Variants in PHC3 observed in about 807,000 individuals in gnomAD.
PHC3 encodes the protein polyhomeotic-like protein 3.
PHC3 carries 13 observed loss-of-function variants against 107.4 expected under a neutral mutation model. That is an observed-to-expected ratio of 0.12 (90% CI 0.08 to 0.19). The LOEUF (loss-of-function observed/expected upper bound fraction) is 0.19, where lower values mean the gene tolerates loss of function less well. Among genes scored for constraint, PHC3 ranks in the 10% least tolerant of loss-of-function variants. PHC3 has a pLI of 1.00. For synonymous variants in PHC3, 456 were observed against 427.4 expected (o/e 1.07, Z -0.83); for missense variants, 992 against 1,210.9 (o/e 0.82, Z 2.68).
At chr3:170,114,080 G>C (rs532617083) in intron 10 of PHC3, among the ~76,000 whole-genome samples, 6 of 152,028 alleles carry the variant, frequency 3.9e-5, no homozygotes, top group African/African-American at 1.4e-4. Flanking sequence ...TGCAATCTTG[G>C]CTCACCACAA....
chr3:170,175,264 A>C (rs1212615739), intron 2 of PHC3, among the ~76,000 whole-genome samples: 5 of 152,190 alleles, frequency 3.3e-5, no homozygotes, highest in Non-Finnish European at 5.9e-5. Context: ...TATTTATGAG[A>C]TATATCTACA....
chr3:170,152,965 CT>C (rs777054068), intron 4 of PHC3, among the ~76,000 whole-genome samples: 16 of 152,090 alleles, frequency 1.1e-4, no homozygotes, highest in Non-Finnish European at 2.1e-4. Context: ...CCAGACCACA[CT>C]TTTCTTCTTG....
At chr3:170,120,049 G>C (rs542428586) in intron 9 of PHC3, among the ~76,000 whole-genome samples, 2 of 152,130 alleles carry the variant, frequency 1.3e-5, no homozygotes, top group African/African-American at 2.4e-5. Flanking sequence ...CTTCCTTCAA[G>C]TACTATTAGT....
Position 170,113,469 on chromosome 3 carries a change from A to G in PHC3, c.2244T>C (p.Leu748=). The G allele has an allele frequency of 6.2e-7, 1 of 1,612,776 alleles. No homozygotes were observed. Among genetic ancestry groups the G allele is most frequent in the Non-Finnish European group, 8.5e-7 (1 of 1,179,308 alleles). Residue 748 remains leucine (L), a synonymous_variant, in exon 11 of 15, where the codon CTT becomes CTC. Transcript: ENST00000495893. ...LIEQPVKKRP[L]LDNQVINSVC... is the part of the protein sequence containing the mutation. ...CTGAATTTATCACCTGATTATCCAA[A>G]AGAGGCCGTTTTTTCACAGGCTGTT...
rs1031636777 is a variant in PHC3, at chr3:170,096,639, T to C, written c.*591A>G. On this transcript the variant is annotated 3_prime_UTR_variant, in exon 15 of 15. Transcript: ENST00000495893. ...AGTCAAACCAAATTCTTGGTCAAGT[T>C]TGGAATAGAAACTAACTCTTCTCAC... 2 of 152,166 alleles carry C rather than the reference T, an allele frequency of 1.3e-5. No individual in the cohort carries two copies. Among genetic ancestry groups the C allele is most frequent in the African/African-American group, 2.4e-5 (1 of 41,444 alleles). 9.4% of individuals were successfully genotyped at this position (152,166 alleles called of 1,614,324 possible).
At chr3:170,181,155 C>G (rs991977245) in intron 1 of PHC3, among the ~76,000 whole-genome samples, 3 of 152,198 alleles carry the variant, frequency 2.0e-5, no homozygotes, top group Non-Finnish European at 4.4e-5. Flanking sequence ...CTGCAAGCAG[C>G]CCCCGCCGCT....
At chr3:170,163,112 T>A (rs766852395) in intron 4 of PHC3, among the ~76,000 whole-genome samples, 12 of 152,206 alleles carry the variant, frequency 7.9e-5, no homozygotes, top group Non-Finnish European at 1.5e-4. Flanking sequence ...TGGTACTGTA[T>A]CCTCAGCACC....
rs955012951 is a variant in PHC3 at position 170,087,635 on chromosome 3, C to T, written c.*9595G>A. ...AAGAAATGAACTTACAACTGATCTA[C>T]AATATATTATTGTAATATAAACAAT... On this transcript the variant is annotated 3_prime_UTR_variant, in exon 15 of 15. Coordinates refer to ENST00000495893, the MANE Select transcript of PHC3 (RefSeq NM_024947.4). 2.0e-5 allele frequency: 3 copies of T among 152,042 alleles called. No homozygotes were observed. Among genetic ancestry groups the T allele is most frequent in the Non-Finnish European group, 2.9e-5 (2 of 67,994 alleles). 9.4% of individuals were successfully genotyped at this position (152,042 alleles called of 1,614,324 possible).
intron 12 of PHC3, among the ~76,000 whole-genome samples, chr3:170,103,208 G>GT (rs1300856958): frequency 2.0e-5 from 3 of 152,202 alleles, no homozygotes; most frequent in African/African-American, 2.4e-5. Flanking sequence ...GCATGACAGT[G>GT]GGAAACTGCC....
intron 14 of PHC3, among the ~76,000 whole-genome samples, chr3:170,100,512 G>A (rs929705572): frequency 4.6e-5 from 7 of 152,132 alleles, no homozygotes; most frequent in African/African-American, 1.7e-4. Flanking sequence ...AAGTAAAGAA[G>A]AGAGTCATAT....
chr3:170,103,505 G>A (rs1359242109), intron 12 of PHC3, among the ~76,000 whole-genome samples: 1 of 151,876 alleles, frequency 6.6e-6, no homozygotes, highest in African/African-American at 2.4e-5. Context: ...AAATTTAGAA[G>A]TATATAACTC....
intron 1 of PHC3, among the ~76,000 whole-genome samples, chr3:170,180,506 A>G (rs1349053381): frequency 1.3e-5 from 2 of 152,026 alleles, no homozygotes; most frequent in Non-Finnish European, 2.9e-5. Context: ...TCAGGAAGAA[A>G]GCTGACTCCT....
At position 170,172,554 on chromosome 3, in the gene PHC3, T is replaced by C. The variant is rs200629797; in HGVS notation, c.336+3A>G. ...ATCTCATAAACTCTTATTTTAGTCT[T>C]ACCTGAACAGCAGCAAGGCTCTGAA... On this transcript the variant is annotated splice_donor_region_variant and intron_variant, in intron 3 of 14. Transcript: ENST00000495893. The C allele has an allele frequency of 1.3e-5, 21 of 1,612,034 alleles. No homozygotes were observed. The Admixed American group carries it at 3.2e-4, about 25-fold the overall frequency.
chr3:170,167,661 G>A (rs766094947), intron 4 of PHC3, among the ~76,000 whole-genome samples: 9 of 151,444 alleles, frequency 5.9e-5, no homozygotes, highest in Non-Finnish European at 8.8e-5. Flanking sequence ...CTGGGAGGCT[G>A]AGGCAGGAGA....
intron 4 of PHC3, among the ~76,000 whole-genome samples, chr3:170,167,115 A>G (rs1728861490): frequency 1.3e-5 from 2 of 152,154 alleles, no homozygotes; most frequent in Admixed American, 1.3e-4. Flanking sequence ...TTTCTACTTT[A>G]ACAGATGACA....
In PHC3 at chr3:170,128,972, T is replaced by C. The variant is rs1423354789; in HGVS notation, c.1500A>G (p.Gln500=). 2 of 1,613,790 alleles carry C rather than the reference T, an allele frequency of 1.2e-6. No homozygotes were observed. The highest frequency in any genetic ancestry group is 1.7e-6 in the Non-Finnish European group (2 of 1,179,874). ...TTGGAGAGGACTGCAGGGATGAATA[T>C]TGCTGGTGTGATGGAGAGACAATCT... ...GQQIVSPSHQ[Q]YSSLQSSPIP... Residue 500 remains glutamine (Q), a synonymous_variant, in exon 8 of 15, where the codon CAA becomes CAG. Coordinates refer to ENST00000495893, the MANE Select transcript of PHC3 (RefSeq NM_024947.4).
intron 6 of PHC3, among the ~76,000 whole-genome samples, chr3:170,142,372 A>G (rs1241974252): frequency 1.3e-5 from 2 of 152,174 alleles, no homozygotes; most frequent in Admixed American, 1.3e-4. Context: ...ACTATGCTAT[A>G]CTATGAATTT....
chr3:170,135,385 A>G (rs1304973904), intron 7 of PHC3, among the ~76,000 whole-genome samples: 1 of 151,938 alleles, frequency 6.6e-6, no homozygotes, highest in Non-Finnish European at 1.5e-5. Flanking sequence ...TCCTGACCTC[A>G]AGTGATCCAC....
chr3:170,136,314 G>A (rs1342589358), intron 7 of PHC3, 105 bp downstream of exon 7: 6 of 1,331,458 alleles, frequency 4.5e-6, no homozygotes. Context: ...ATTTTAAAAT[G>A]TTTTAAAGGT....
Sources: gnomAD v4.1 joint callset for allele counts (sites outside exome capture counted in the v4.1 genomes callset) on GRCh38, gnomAD v4.1.1 for gene constraint, MANE v1.5 for transcripts, NCBI Gene and HGNC (gene_info 2026-07-23, HGNC 2026-07-21) for gene names.